ABL1: variants seen among roughly 807,000 people sequenced by gnomAD.
The protein encoded by ABL1 is ABL proto-oncogene 1, non-receptor tyrosine kinase.
Under a neutral mutation model 94.7 loss-of-function variants are expected in ABL1, and 11 were observed. That is an observed-to-expected ratio of 0.12 (90% CI 0.07 to 0.19). ABL1 has a LOEUF of 0.19. ABL1 is among the 10% of genes least tolerant of loss of function. ABL1 has a pLI of 1.00. For missense variants in ABL1, 1,082 were observed against 1,489.4 expected, an observed-to-expected ratio of 0.73 and a Z score of 4.50; for synonymous variants, 656 against 622.4, an observed-to-expected ratio of 1.05 and a Z score of -0.80.
rs192210975 is a variant in ABL1 at position 130,879,026 on chromosome 9, C to T, written c.1423+459C>T. 3.7e-4 allele frequency among the ~76,000 whole-genome samples: 57 copies of T among 152,126 alleles called. No individual in the cohort carries two copies. In the East Asian group the frequency reaches 7.8e-3, roughly 21 times the overall value. ...CCAAGTAGCTGGGATTACAGGCATG[C>T]ACCACCACGCCCGGCTAATTTTGTA... On this transcript the variant is annotated intron_variant, in intron 8 of 10. Coordinates refer to ENST00000318560, the MANE Select transcript of ABL1 (RefSeq NM_005157.6).
rs34517462 is a variant in ABL1, at chr9:130,725,824, G to GTTTTTT, written c.136+11391_136+11396dup. 2.2e-3 allele frequency among the ~76,000 whole-genome samples: 166 copies of GTTTTTT among 75,994 alleles called. 17 individuals carry two copies. The highest frequency in any genetic ancestry group is 4.9e-3 in the African/African-American group (75 of 15,300). 49.9% of individuals were successfully genotyped at this position (75,994 alleles called of 152,430 possible). Reference sequence around the variant, plus strand: ...CTGTTGGTGGAACTTGTGTATGGTGGTTTTTTTTTTTTTTTTTTTTTTTTT... The same window carrying GTTTTTT: ...CTGTTGGTGGAACTTGTGTATGGTGGTTTTTTTTTTTTTTTTTTTTTTTTTTTTTTT... On this transcript the variant is annotated intron_variant, in intron 1 of 10. Coordinates refer to the ABL1 transcript ENST00000372348.
chr9:130,844,627 C>T (rs1219398502), intron 1 of ABL1, among the ~76,000 whole-genome samples: 4 of 151,994 alleles, frequency 2.6e-5, no homozygotes, highest in Non-Finnish European at 4.4e-5. Context: ...ATGGTGAAAC[C>T]CCGTCTTTAC....
At chr9:130,780,068 G>A (rs1039218185) in intron 1 of ABL1, among the ~76,000 whole-genome samples, 1 of 151,980 alleles carries the variant, frequency 6.6e-6, no homozygotes, top group African/African-American at 2.4e-5. Flanking sequence ...GCTGGATCAC[G>A]AGGTCAGGAG....
intron 1 of ABL1, among the ~76,000 whole-genome samples, chr9:130,816,589 C>T (rs1189186703): frequency 1.3e-5 from 2 of 151,750 alleles, no homozygotes; most frequent in Admixed American, 6.6e-5. Flanking sequence ...CAGCCATGAG[C>T]CCTGAAATGA....
intron 1 of ABL1, among the ~76,000 whole-genome samples, chr9:130,716,907 T>C (rs1324166810): frequency 6.6e-6 from 1 of 150,490 alleles, no homozygotes; most frequent in Non-Finnish European, 1.5e-5. Flanking sequence ...TGCACCACCA[T>C]GCCTGGCTAA....
At chr9:130,849,682 T>A (rs777920762) in intron 1 of ABL1, among the ~76,000 whole-genome samples, 45 of 152,142 alleles carry the variant, frequency 3.0e-4, no homozygotes, top group Non-Finnish European at 5.7e-4. Flanking sequence ...CATGCCCGGC[T>A]AATTTGTGTA....
intron 1 of ABL1, among the ~76,000 whole-genome samples, chr9:130,765,000 G>A (rs926854405): frequency 1.3e-5 from 2 of 151,540 alleles, no homozygotes; most frequent in African/African-American, 4.8e-5. Context: ...AGAATTTGTA[G>A]TGTGCTGATT....
chr9:130,859,239 A>T (rs2132965752), intron 3 of ABL1, among the ~76,000 whole-genome samples: 1 of 152,320 alleles, frequency 6.6e-6, no homozygotes, highest in African/African-American at 2.4e-5. Flanking sequence ...TCTAGTCCTT[A>T]ATAGAGTCTT....
Position 130,880,653 on chromosome 9 carries a change from A to G in ABL1, c.1667A>G (p.Gln556Arg), listed in dbSNP as rs770871679. The G allele has an allele frequency of 6.2e-6, 10 of 1,613,356 alleles. No homozygotes were observed. In the South Asian group the frequency reaches 9.9e-5, roughly 16 times the overall value. ...CCTGAGATGCCTCACTCCAAGGGCC[A>G]GGGAGAGAGCGGTAAGTCCCCCGCT... is the stretch of plus-strand genomic sequence containing the variant. ...DVPEMPHSKG[Q>R]GESDPLDHEP... Residue 556 changes from glutamine to arginine, a missense_variant, in exon 10 of 11, where the codon CAG becomes CGG. Around this residue, in one of 7 missense-constraint regions of ABL1, gnomAD observed 780 missense variants for 835.8 expected, o/e 0.93. Transcript: ENST00000318560. This position sits in a 1 kb window ranked among gnomAD's most constrained non-coding sequence, Gnocchi z 4.4.
chr9:130,754,199 T>C (rs1402618204), intron 1 of ABL1, among the ~76,000 whole-genome samples: 2 of 135,694 alleles, frequency 1.5e-5, no homozygotes, highest in Non-Finnish European at 3.1e-5. Flanking sequence ...AGAGTGGGAC[T>C]CTGTCTCAGA....
At chr9:130,789,413 G>A (rs1169865515) in intron 1 of ABL1, among the ~76,000 whole-genome samples, 1 of 152,142 alleles carries the variant, frequency 6.6e-6, no homozygotes, top group African/African-American at 2.4e-5. Context: ...GATTTAGAGT[G>A]GACCTAGGTT....
chr9:130,721,003 CAA>C (rs369874774), intron 1 of ABL1, among the ~76,000 whole-genome samples: 34 of 139,862 alleles, frequency 2.4e-4, no homozygotes, highest in Admixed American at 2.9e-4. Context: ...GACCCTGTCT[CAA>C]AAAAAAAAAA....
chr9:130,787,880 A>T (rs1829852475), intron 1 of ABL1, among the ~76,000 whole-genome samples: 1 of 151,994 alleles, frequency 6.6e-6, no homozygotes, highest in African/African-American at 2.4e-5. Flanking sequence ...CCTTGGAGGG[A>T]TTTGTCACTG....
chr9:130,840,110 A>G (rs1417354766), intron 1 of ABL1, among the ~76,000 whole-genome samples: 1 of 152,246 alleles, frequency 6.6e-6, no homozygotes, highest in Non-Finnish European at 1.5e-5. Context: ...ACTTTAAGCA[A>G]ATATTTAGCA....
At chr9:130,827,039 C>T (rs1348216958) in intron 1 of ABL1, among the ~76,000 whole-genome samples, 1 of 152,044 alleles carries the variant, frequency 6.6e-6, no homozygotes, top group Non-Finnish European at 1.5e-5. Context: ...GATGGCGCCA[C>T]TGCACTCCAG....
In ABL1 at chr9:130,863,315, G is replaced by T. The variant is rs1048942567; in HGVS notation, c.822+280G>T. Among the ~76,000 whole-genome samples, 4 of 152,144 alleles carry T rather than the reference G, an allele frequency of 2.6e-5. No homozygotes were observed. The highest frequency in any genetic ancestry group is 9.7e-5 in the African/African-American group (4 of 41,444). On this transcript the variant is annotated intron_variant, in intron 4 of 10. Coordinates refer to ENST00000318560, the MANE Select transcript of ABL1 (RefSeq NM_005157.6). The surrounding 1 kb of genome is among the most constrained non-coding windows in gnomAD (Gnocchi z 4.3). ...TTTGGAGAGGTTTTCTCATTTTATG[G>T]CAAGGTTCTTTTAAAGCCGTGGATT...
At chr9:130,842,910 T>G (rs921127786) in intron 1 of ABL1, among the ~76,000 whole-genome samples, 2 of 152,186 alleles carry the variant, frequency 1.3e-5, no homozygotes, top group African/African-American at 4.8e-5. Context: ...CTGGAGCAAA[T>G]CCTATTTCTT....
intron 4 of ABL1, among the ~76,000 whole-genome samples, chr9:130,868,129 T>G (rs1031257936): frequency 6.6e-6 from 1 of 151,908 alleles, no homozygotes; most frequent in African/African-American, 2.4e-5. Flanking sequence ...CGGCTAATTT[T>G]TTGTATTTTT....
intron 1 of ABL1, among the ~76,000 whole-genome samples, chr9:130,767,608 C>T (rs994456434): frequency 1.3e-5 from 2 of 152,224 alleles, no homozygotes; most frequent in African/African-American, 4.8e-5. Context: ...GCTGGGATTA[C>T]AGGCAGGAGC....
Sources: allele counts gnomAD v4.1 joint callset (sites outside exome capture counted in the v4.1 genomes callset), GRCh38; gene constraint gnomAD v4.1.1; regional missense constraint gnomAD v4.1.1; non-coding constraint Gnocchi (gnomAD v3.1); transcripts MANE v1.5; gene names NCBI Gene and HGNC (gene_info 2026-07-23, HGNC 2026-07-21).